The following NTNG2 variants were observed in gnomAD, a reference collection of about 807,000 sequenced individuals.
NTNG2 encodes the protein netrin G2.
In NTNG2, 15 loss-of-function variants were observed where a neutral mutation model predicts 47.6. The ratio of observed to expected loss-of-function variants is 0.32; its 90% CI spans 0.21 to 0.49. NTNG2 has a LOEUF of 0.49. Among genes scored for constraint, NTNG2 ranks in the 20% least tolerant of loss-of-function variants. NTNG2 has a pLI of 0.99. For synonymous variants in NTNG2, 307 were observed against 324.6 expected (o/e 0.95, Z 0.58); for missense variants, 578 against 764.6 (o/e 0.76, Z 2.88).
At chr9:132,178,798 A>G (rs914277114) in intron 2 of NTNG2, among the ~76,000 whole-genome samples, 2 of 151,078 alleles carry the variant, frequency 1.3e-5, no homozygotes. Flanking sequence ...AAAAAAAAAA[A>G]AAAAAAAATT....
chr9:132,210,709 G>T (rs574434111), intron 3 of NTNG2, among the ~76,000 whole-genome samples: 1 of 152,328 alleles, frequency 6.6e-6, no homozygotes, highest in African/African-American at 2.4e-5. Flanking sequence ...GAGAGGGGAA[G>T]TTGAGTGGGG....
intron 2 of NTNG2, among the ~76,000 whole-genome samples, chr9:132,172,005 A>G (rs1180047045): frequency 1.3e-5 from 2 of 152,204 alleles, no homozygotes; most frequent in African/African-American, 4.8e-5. Context: ...GAAAAACACT[A>G]CAGACATTGA....
chr9:132,186,635 T>C lies in NTNG2; in HGVS notation c.214-11331T>C, dbSNP rs529236633. The stretch of plus-strand genomic sequence containing the variant: ...CAGCTCGTCCATCAGGGCAGCCCAA[T>C]GCCCTCAGGTCCTCCGAAAGGATCT... On this transcript the variant is annotated intron_variant, in intron 2 of 7. Transcript: ENST00000393229. 2.1e-3 allele frequency among the ~76,000 whole-genome samples: 320 copies of C among 152,294 alleles called. 1 individual carries two copies. The highest frequency in any genetic ancestry group is 4.0e-3 in the Non-Finnish European group (270 of 68,016).
intron 3 of NTNG2, among the ~76,000 whole-genome samples, chr9:132,224,387 G>A (rs1001760909): frequency 6.6e-6 from 1 of 152,118 alleles, no homozygotes; most frequent in African/African-American, 2.4e-5. Context: ...TATGCATAAT[G>A]CCACATATCT....
Position 132,166,692 on chromosome 9 carries a change from A to T in NTNG2, c.-140A>T. 1.4e-6 allele frequency: 1 copy of T among 717,678 alleles called. No individual in the cohort carries two copies. Among genetic ancestry groups the T allele is most frequent in the Non-Finnish European group, 2.4e-6 (1 of 418,618 alleles). The allele number at this position is 717,678 out of a possible 1,614,324, so 44.5% of individuals were successfully genotyped here. A position where few individuals can be genotyped will look rare whatever the true frequency, so the allele number is the denominator to read the frequency against. ...AGTTCCTCGCTGTTTGCAAAGCTTC[A>T]GTGCTCGGGTCCCTGGGACACCCCG... is the stretch of plus-strand genomic sequence containing the variant. On this transcript the variant is annotated 5_prime_UTR_variant, in exon 2 of 8. Coordinates refer to ENST00000393229, the MANE Select transcript of NTNG2 (RefSeq NM_032536.4).
intron 3 of NTNG2, among the ~76,000 whole-genome samples, chr9:132,222,503 C>T (rs1840417327): frequency 6.6e-6 from 1 of 152,206 alleles, no homozygotes; most frequent in African/African-American, 2.4e-5. Context: ...TGTCCAGGCT[C>T]TCAGGGGAAG....
At chr9:132,170,958 T>C (rs982830025) in intron 2 of NTNG2, among the ~76,000 whole-genome samples, 13 of 152,064 alleles carry the variant, frequency 8.5e-5, no homozygotes, top group Admixed American at 7.9e-4. Flanking sequence ...CAGAGGTCTG[T>C]GGGTCCCATG....
chr9:132,184,250 G>A (rs945290749), intron 2 of NTNG2, among the ~76,000 whole-genome samples: 4 of 152,118 alleles, frequency 2.6e-5, no homozygotes, highest in African/African-American at 9.7e-5. Flanking sequence ...GCTTCTGGCT[G>A]TTCTCAGGGG....
In NTNG2 at chr9:132,231,313, CT is replaced by C; in HGVS notation, c.1054+719del. ...CTTTCAGCCTTGCAAACCCCTCCCC[CT>C]GGGAGGTCGCCATCTGCTCTGCGAG... On this transcript the variant is annotated intron_variant, in intron 5 of 7. Coordinates refer to ENST00000393229, the MANE Select transcript of NTNG2 (RefSeq NM_032536.4). The surrounding 1 kb of genome is among the most constrained non-coding windows in gnomAD (Gnocchi z 4.1). The C allele has an allele frequency of 2.2e-6, 1 of 456,456 alleles. No homozygotes were observed. Among genetic ancestry groups the C allele is most frequent in the Non-Finnish European group, 4.4e-6 (1 of 226,840 alleles). The allele number at this position is 456,456 out of a possible 1,614,324, so 28.3% of individuals were successfully genotyped here.
chr9:132,241,641 G>C, intron 7 of NTNG2: 1 of 517,270 alleles, frequency 1.9e-6, no homozygotes, highest in Non-Finnish European at 3.4e-6. Flanking sequence ...GAACAGCACC[G>C]AGGCCAGTGG....
intron 3 of NTNG2, among the ~76,000 whole-genome samples, chr9:132,216,402 C>CTG (rs1839974990): frequency 1.1e-5 from 1 of 94,076 alleles, no homozygotes; most frequent in African/African-American, 6.1e-5. Flanking sequence ...CTCTCTCTCT[C>CTG]TCTCTCTCTC....
At chr9:132,241,162 G>A (rs1209611533) in intron 7 of NTNG2, 118 bp downstream of exon 7, 5 of 1,296,250 alleles carry the variant, frequency 3.9e-6, no homozygotes, top group Non-Finnish European at 4.1e-6. Flanking sequence ...CTAGCAAGAC[G>A]GGGCAGGGCC....
intron 6 of NTNG2, among the ~76,000 whole-genome samples, chr9:132,240,457 G>A (rs529200857): frequency 1.7e-4 from 26 of 152,328 alleles, no homozygotes; most frequent in African/African-American, 5.8e-4. Flanking sequence ...GGCCCACCCC[G>A]GGAGCAGGAA....
rs1838138916 is a variant in NTNG2 at position 132,194,577 on chromosome 9, A to G, written c.214-3389A>G. 2.0e-5 allele frequency among the ~76,000 whole-genome samples: 3 copies of G among 152,152 alleles called. No homozygotes were observed. The South Asian group carries it at 6.2e-4, about 32-fold the overall frequency. ...AGTGGTGTGGATATCTCTGATGATA[A>G]CAGCAGACTCCTCCTCAGAGGTGCC... On this transcript the variant is annotated intron_variant, in intron 2 of 7. Transcript: ENST00000393229.
intron 2 of NTNG2, among the ~76,000 whole-genome samples, chr9:132,171,326 G>A (rs552176453): frequency 1.7e-4 from 26 of 152,178 alleles, no homozygotes; most frequent in Admixed American, 9.2e-4. Context: ...CCACCTCACC[G>A]ACTTCCTGGG....
rs1839377924 is a variant in NTNG2 at position 132,208,956 on chromosome 9, G to C, written c.857+10347G>C. Among the ~76,000 whole-genome samples the C allele has an allele frequency of 6.6e-6, 1 of 152,060 alleles. No individual in the cohort carries two copies. The highest frequency in any genetic ancestry group is 6.6e-5 in the Admixed American group (1 of 15,262). ...TCGTGCGGCAGGTGGCTTTTTCAAGGGGTCTCCTTCGTTCTCACTGTGCCT... is the reference window on the plus strand; with the variant it reads ...TCGTGCGGCAGGTGGCTTTTTCAAGCGGTCTCCTTCGTTCTCACTGTGCCT... On this transcript the variant is annotated intron_variant, in intron 3 of 7. Coordinates refer to ENST00000393229, the MANE Select transcript of NTNG2 (RefSeq NM_032536.4). The surrounding 1 kb of genome is among the most constrained non-coding windows in gnomAD (Gnocchi z 4.0).
chr9:132,198,654 C>T, intron 3 of NTNG2, 45 bp downstream of exon 3: 2 of 1,568,836 alleles, frequency 1.3e-6, no homozygotes, highest in Non-Finnish European at 1.7e-6. Flanking sequence ...ACCTGGGATG[C>T]TATCTGTTAC....
At chr9:132,217,934 G>T (rs1276396362) in intron 3 of NTNG2, among the ~76,000 whole-genome samples, 2 of 152,202 alleles carry the variant, frequency 1.3e-5, no homozygotes, top group African/African-American at 2.4e-5. Context: ...CAGGGCTTTT[G>T]TTTCACCCCA....
chr9:132,172,565 T>A (rs558888259), intron 2 of NTNG2, among the ~76,000 whole-genome samples: 270 of 152,170 alleles, frequency 1.8e-3, no homozygotes, highest in Non-Finnish European at 3.1e-3. Flanking sequence ...GACTGTGAGC[T>A]CCTCAAAGGC....
Sources: allele counts gnomAD v4.1 joint callset (sites outside exome capture counted in the v4.1 genomes callset), GRCh38; gene constraint gnomAD v4.1.1; non-coding constraint Gnocchi (gnomAD v3.1); transcripts MANE v1.5; gene names NCBI Gene and HGNC (gene_info 2026-07-23, HGNC 2026-07-21).